The following GPA33 variants were observed in gnomAD, a reference collection of about 807,000 sequenced individuals.
The protein encoded by GPA33 is glycoprotein A33.
Under a neutral mutation model 35.6 loss-of-function variants are expected in GPA33, and 27 were observed. The observed-to-expected ratio is 0.76, with a 90% CI of 0.56 to 1.04. GPA33 has a LOEUF of 1.04. GPA33 is among the 50% of genes least tolerant of loss of function. The pLI is 0.00. For missense variants in GPA33, 428 were observed against 411.9 expected (o/e 1.04, Z -0.34); for synonymous variants, 176 against 164.0 (o/e 1.07, Z -0.56).
Position 167,083,521 on chromosome 1 carries a change from G to T in GPA33, c.43+6724C>A, listed in dbSNP as rs553092672. Among the ~76,000 whole-genome samples the T allele has an allele frequency of 1.1e-3, 173 of 152,318 alleles. 1 individual carries two copies. The highest frequency in any genetic ancestry group is 4.0e-3 in the African/African-American group (167 of 41,578). On this transcript the variant is annotated intron_variant, in intron 1 of 6. Coordinates refer to ENST00000367868, the MANE Select transcript of GPA33 (RefSeq NM_005814.3). ...ATGCCAGACTCTGGGGATACAACGT[G>T]GGGCAGGGACAGATGCAGTTGCTGC...
chr1:167,087,706 A>G (rs6680480), intron 1 of GPA33, among the ~76,000 whole-genome samples: 59,382 of 151,878 alleles, frequency 0.39, 12,222 homozygotes, highest in East Asian at 0.73. Flanking sequence ...TGCGAGGTCA[A>G]GAGTTCAAGA....
In GPA33 at chr1:167,073,493, A is replaced by T. The variant is rs1233372666; in HGVS notation, c.90T>A (p.Val30=). The part of the protein sequence containing the change: ...DAISVETPQD[V]LRASQGKSVT... ...CACTCTTTCCCTGCGAAGCCCGAAGAACGTCCTGCGGAGTTTCCACAGAGA... is the reference window on the plus strand; with the variant it reads ...CACTCTTTCCCTGCGAAGCCCGAAGTACGTCCTGCGGAGTTTCCACAGAGA... Residue 30 remains valine (V), a synonymous_variant, in exon 2 of 7, where the codon GTT becomes GTA. Coordinates refer to ENST00000367868, the MANE Select transcript of GPA33 (RefSeq NM_005814.3). The T allele has an allele frequency of 1.2e-6, 2 of 1,613,776 alleles. No individual in the cohort carries two copies. The highest frequency in any genetic ancestry group is 2.7e-5 in the African/African-American group (2 of 75,046).
At chr1:167,071,435 C>T (rs1405544286) in intron 2 of GPA33, among the ~76,000 whole-genome samples, 1 of 152,172 alleles carries the variant, frequency 6.6e-6, no homozygotes, top group Non-Finnish European at 1.5e-5. Flanking sequence ...GCGTGCAGTG[C>T]GCTTTGTGCA....
chr1:167,065,475 G>C (rs1487813206), intron 3 of GPA33, among the ~76,000 whole-genome samples: 2 of 152,212 alleles, frequency 1.3e-5, no homozygotes. Flanking sequence ...GGAATCCCTA[G>C]GTGGCAAGCC....
chr1:167,056,748 G>GTGTGTAT (rs1666294570), intron 4 of GPA33, among the ~76,000 whole-genome samples: 1 of 135,868 alleles, frequency 7.4e-6, no homozygotes, highest in Non-Finnish European at 1.6e-5. Flanking sequence ...TGTGTGTGGT[G>GTGTGTAT]TGTGTATGGC....
At chr1:167,064,542 A>G (rs1039941458) in intron 3 of GPA33, among the ~76,000 whole-genome samples, 1 of 152,230 alleles carries the variant, frequency 6.6e-6, no homozygotes, top group African/African-American at 2.4e-5. Flanking sequence ...AGTGGACTAC[A>G]AACCTGTTCT....
chr1:167,069,033 T>A lies in GPA33; in HGVS notation c.304A>T (p.Ile102Phe). 2.5e-6 allele frequency: 4 copies of A among 1,613,742 alleles called. No individual in the cohort carries two copies. Among genetic ancestry groups the A allele is most frequent in the Non-Finnish European group, 3.4e-6 (4 of 1,179,600 alleles). Residue 102 changes from isoleucine to phenylalanine, a missense_variant, in exon 3 of 7, where the codon ATC (isoleucine) becomes TTC (phenylalanine). Coordinates refer to ENST00000367868, the MANE Select transcript of GPA33 (RefSeq NM_005814.3). ...SNNAEQSDAS[I>F]TIDQLTMADN... ...GCCATGGTCAGCTGATCAATGGTGA[T>A]GGAGGCATCGGACTGCTCAGCATTG...
chr1:167,072,393 T>G (rs1411626677), intron 2 of GPA33, among the ~76,000 whole-genome samples: 1 of 152,186 alleles, frequency 6.6e-6, no homozygotes, highest in Non-Finnish European at 1.5e-5. Flanking sequence ...TAGCGAACAG[T>G]TTGAGAATGC....
At position 167,083,274 on chromosome 1, in the gene GPA33, A is replaced by G. The variant is rs374730220; in HGVS notation, c.43+6971T>C. On this transcript the variant is annotated intron_variant, in intron 1 of 6. Transcript: ENST00000367868. Reference sequence around the variant, plus strand: ...GCCCCTTATCTATCAAACCCAGGAAAGGAATGTGAGACAGGAACATTTTGA... The same window carrying G: ...GCCCCTTATCTATCAAACCCAGGAAGGGAATGTGAGACAGGAACATTTTGA... Among the ~76,000 whole-genome samples the G allele has an allele frequency of 3.6e-4, 55 of 152,348 alleles. 2 individuals are homozygous for G. In the South Asian group the frequency reaches 0.011, roughly 31 times the overall value.
chr1:167,085,403 C>T (rs987506283), intron 1 of GPA33, among the ~76,000 whole-genome samples: 2 of 152,180 alleles, frequency 1.3e-5, no homozygotes, highest in Non-Finnish European at 2.9e-5. Context: ...CTGGGCCAGG[C>T]ACACTTTCCC....
In GPA33 at chr1:167,055,854, AG is replaced by A; in HGVS notation, c.572-6del. 6.2e-7 allele frequency: 1 copy of A among 1,613,924 alleles called. No homozygotes were observed. The highest frequency in any genetic ancestry group is 8.5e-7 in the Non-Finnish European group (1 of 1,179,852). On this transcript the variant is annotated splice_polypyrimidine_tract_variant and splice_region_variant and intron_variant, in intron 4 of 6. Coordinates refer to ENST00000367868, the MANE Select transcript of GPA33 (RefSeq NM_005814.3). ...GGGAGACAGGCTGACCTGAGGCTGC[AG>A]GGGAAGAAGAGTCAGGGTGAAGAGA...
At chr1:167,065,607 G>A (rs1405599810) in intron 3 of GPA33, among the ~76,000 whole-genome samples, 5 of 152,054 alleles carry the variant, frequency 3.3e-5, no homozygotes, top group African/African-American at 4.8e-5. Context: ...TTCTGATCTC[G>A]GCCCCACCCG....
intron 4 of GPA33, among the ~76,000 whole-genome samples, chr1:167,058,852 G>C (rs991221692): frequency 2.6e-5 from 4 of 152,202 alleles, no homozygotes; most frequent in African/African-American, 9.7e-5. Flanking sequence ...TTCTGACAGC[G>C]GGGTGTGGTA....
At chr1:167,072,827 A>G (rs768730208) in intron 2 of GPA33, among the ~76,000 whole-genome samples, 1 of 152,064 alleles carries the variant, frequency 6.6e-6, no homozygotes, top group Non-Finnish European at 1.5e-5. Context: ...CTATAAAAAC[A>G]TATATCCATG....
At position 167,076,290 on chromosome 1, in the gene GPA33, C is replaced by T. The variant is rs997082275; in HGVS notation, c.44-2751G>A. Among the ~76,000 whole-genome samples the T allele has an allele frequency of 8.5e-5, 13 of 152,074 alleles. 1 individual carries two copies. Among genetic ancestry groups the T allele is most frequent in the African/African-American group, 3.1e-4 (13 of 41,398 alleles). On this transcript the variant is annotated intron_variant, in intron 1 of 6. Transcript: ENST00000367868. ...CTGGGGGTACGGTGTTATGGGAGGACAGGCCTTAGAAGAGATGCCGGGCTG... is the reference window on the plus strand; with the variant it reads ...CTGGGGGTACGGTGTTATGGGAGGATAGGCCTTAGAAGAGATGCCGGGCTG...
chr1:167,058,249 C>T (rs909552965), intron 4 of GPA33: 2 of 152,058 alleles, frequency 1.3e-5, no homozygotes, highest in Non-Finnish European at 2.9e-5. Flanking sequence ...GCAATGTATG[C>T]TCCTTATAAT....
At chr1:167,068,622 T>C (rs1358061975) in intron 3 of GPA33, among the ~76,000 whole-genome samples, 1 of 152,106 alleles carries the variant, frequency 6.6e-6, no homozygotes, top group Non-Finnish European at 1.5e-5. Flanking sequence ...TTTATCTTTG[T>C]AATAAGTGTG....
chr1:167,070,417 T>A (rs1038489977), intron 2 of GPA33, among the ~76,000 whole-genome samples: 3 of 152,152 alleles, frequency 2.0e-5, no homozygotes, highest in African/African-American at 7.2e-5. Flanking sequence ...GGTATATGAT[T>A]ACACTCATTT....
At chr1:167,067,415 A>T (rs1666625075) in intron 3 of GPA33, among the ~76,000 whole-genome samples, 1 of 152,062 alleles carries the variant, frequency 6.6e-6, no homozygotes, top group South Asian at 2.1e-4. Flanking sequence ...CTTCTTTTTT[A>T]AAAAAGTAAA....
Sources: gnomAD v4.1 joint callset for allele counts (sites outside exome capture counted in the v4.1 genomes callset) on GRCh38, gnomAD v4.1.1 for gene constraint, MANE v1.5 for transcripts, NCBI Gene and HGNC (gene_info 2026-07-23, HGNC 2026-07-21) for gene names.